Variants in TSPEAR observed in about 807,000 individuals in gnomAD.
The protein encoded by TSPEAR is thrombospondin-type laminin G domain and EAR repeat-containing protein.
A neutral mutation model predicts 71.6 loss-of-function variants in TSPEAR; 69 were observed. The ratio of observed to expected loss-of-function variants is 0.96; its 90% CI spans 0.79 to 1.18. The LOEUF (loss-of-function observed/expected upper bound fraction) is 1.18. TSPEAR is among the 50% of genes most tolerant of loss of function. TSPEAR has a pLI of 0.00. For missense variants in TSPEAR, 971 were observed against 894.9 expected, an observed-to-expected ratio of 1.09 and a Z score of -1.09; for synonymous variants, 402 against 387.2, an observed-to-expected ratio of 1.04 and a Z score of -0.45.
At chr21:44,582,421 C>T (rs1355554038) in intron 1 of TSPEAR, among the ~76,000 whole-genome samples, 1 of 152,176 alleles carries the variant, frequency 6.6e-6, no homozygotes, top group Non-Finnish European at 1.5e-5. Flanking sequence ...CCTGAGCCAG[C>T]GGGATGTGGT....
Position 44,623,083 on chromosome 21 carries a change from C to A in TSPEAR, c.83-55078G>T. On this transcript the variant is annotated intron_variant, in intron 1 of 11. Coordinates refer to ENST00000323084, the MANE Select transcript of TSPEAR (RefSeq NM_144991.3). The surrounding 1 kb of genome is among the most constrained non-coding windows in gnomAD (Gnocchi z 4.5). ...TCCCCAGAAGCTGAGCAGATGCCAG[C>A]GCCATGTTTCCTGTACAACCTGCAG... Among the ~76,000 whole-genome samples the A allele has an allele frequency of 6.6e-6, 1 of 152,190 alleles. No individual in the cohort carries two copies. The highest frequency in any genetic ancestry group is 1.9e-4 in the East Asian group (1 of 5,192).
chr21:44,523,086 TCAGC>T (rs1239260457), intron 8 of TSPEAR, among the ~76,000 whole-genome samples: 15 of 140,170 alleles, frequency 1.1e-4, no homozygotes, highest in Admixed American at 1.0e-3. Context: ...AGTCAGTCAG[TCAGC>T]CAGCCAGCCA....
At chr21:44,666,972 G>C (rs1472196196) in intron 1 of TSPEAR, 35 of 1,435,796 alleles carry the variant, frequency 2.4e-5, no homozygotes, top group Non-Finnish European at 3.2e-5. Flanking sequence ...CCTGGGCCCA[G>C]GCATCCCCAC....
intron 1 of TSPEAR, among the ~76,000 whole-genome samples, chr21:44,684,711 C>T (rs1294688121): frequency 5.9e-5 from 9 of 151,958 alleles, no homozygotes; most frequent in Admixed American, 5.2e-4. Context: ...GCAACGTGCA[C>T]GGATGTGCTT....
chr21:44,533,783 G>T lies in TSPEAR; in HGVS notation c.444C>A (p.Arg148=), dbSNP rs1053613040. 6.2e-7 allele frequency: 1 copy of T among 1,612,410 alleles called. No individual in the cohort carries two copies. Among genetic ancestry groups the T allele is most frequent in the Non-Finnish European group, 8.5e-7 (1 of 1,179,902 alleles). Residue 148 remains arginine, a synonymous_variant, in exon 3 of 12, where the codon CGC becomes CGA. Transcript: ENST00000323084. ...AGCGGCCATCCACCAGGGCCGGGCT[G>T]CGGAAGGACACTCGGGTCTGCCAGG... is the stretch of plus-strand genomic sequence containing the variant. ...AGAWQTRVSF[R]SPALVDGRWH... is the part of the protein sequence containing the mutation.
intron 1 of TSPEAR, among the ~76,000 whole-genome samples, chr21:44,584,410 T>C (rs1979206481): frequency 6.6e-6 from 1 of 152,234 alleles, no homozygotes; most frequent in Non-Finnish European, 1.5e-5. Flanking sequence ...AGTGCAGGTA[T>C]CTCTTTGAGA....
At chr21:44,587,693 C>G (rs1375569397) in intron 1 of TSPEAR, among the ~76,000 whole-genome samples, 1 of 152,160 alleles carries the variant, frequency 6.6e-6, no homozygotes, top group Non-Finnish European at 1.5e-5. Flanking sequence ...ACCAATGGAA[C>G]AGAATAGAGA....
intron 9 of TSPEAR, among the ~76,000 whole-genome samples, chr21:44,513,972 C>T (rs1019392894): frequency 1.3e-5 from 2 of 152,132 alleles, no homozygotes; most frequent in Non-Finnish European, 2.9e-5. Flanking sequence ...CAGCACACTC[C>T]CCAGCCAACT....
chr21:44,677,814 C>G, intron 1 of TSPEAR: 1 of 1,285,896 alleles, frequency 7.8e-7, no homozygotes, highest in Non-Finnish European at 1.1e-6. Flanking sequence ...AGGTGCAGAA[C>G]CAAGAACCAC....
At chr21:44,652,230 G>A (rs766452177) in intron 1 of TSPEAR, among the ~76,000 whole-genome samples, 3 of 152,270 alleles carry the variant, frequency 2.0e-5, no homozygotes, top group Admixed American at 6.5e-5. Context: ...TGATCCGCCC[G>A]CCTCGGCCTC....
At chr21:44,576,949 T>C (rs1170476743) in intron 1 of TSPEAR, among the ~76,000 whole-genome samples, 2 of 152,182 alleles carry the variant, frequency 1.3e-5, no homozygotes, top group Admixed American at 1.3e-4. Flanking sequence ...CTGAGCATGC[T>C]GCTTGGCCAC....
chr21:44,704,932 C>G (rs903768511), intron 1 of TSPEAR, among the ~76,000 whole-genome samples: 1 of 152,150 alleles, frequency 6.6e-6, no homozygotes, highest in African/African-American at 2.4e-5. Flanking sequence ...CCCAGACGCA[C>G]TGACCTGTTG....
Position 44,527,291 on chromosome 21 carries a change from C to T in TSPEAR, c.1149+1G>A. On this transcript the variant is annotated splice_donor_variant, in intron 7 of 11. Coordinates refer to ENST00000323084, the MANE Select transcript of TSPEAR (RefSeq NM_144991.3). LOFTEE classifies it high-confidence loss of function. ...GAGAAAGTCACCGAACACAGACTTG[C>T]CTTTTTCCCGATGGTGAAATGCCTC... is the stretch of plus-strand genomic sequence containing the variant. 6.2e-7 allele frequency: 1 copy of T among 1,614,148 alleles called. No homozygotes were observed. The highest frequency in any genetic ancestry group is 8.5e-7 in the Non-Finnish European group (1 of 1,180,018).
chr21:44,704,023 C>A (rs1435202483), intron 1 of TSPEAR, among the ~76,000 whole-genome samples: 1 of 152,228 alleles, frequency 6.6e-6, no homozygotes, highest in Non-Finnish European at 1.5e-5. Flanking sequence ...TCTAAGATCA[C>A]CTGGCCTCTG....
intron 2 of TSPEAR, among the ~76,000 whole-genome samples, chr21:44,536,210 G>T (rs2053089110): frequency 1.3e-5 from 2 of 152,186 alleles, no homozygotes. Flanking sequence ...GCGGTGCTGG[G>T]CTTCTCCCAT....
chr21:44,706,478 CGT>C (rs1987932002), intron 1 of TSPEAR, among the ~76,000 whole-genome samples: 1 of 73,430 alleles, frequency 1.4e-5, no homozygotes, highest in African/African-American at 5.4e-5. Flanking sequence ...CACACCCACG[CGT>C]ACACACCCAC....
intron 2 of TSPEAR, among the ~76,000 whole-genome samples, chr21:44,544,345 A>G (rs2053267673): frequency 2.6e-5 from 4 of 152,208 alleles, no homozygotes; most frequent in African/African-American, 9.6e-5. Flanking sequence ...GGGATGTGGA[A>G]TGACTACAAA....
chr21:44,583,509 T>C (rs78973051), intron 1 of TSPEAR, among the ~76,000 whole-genome samples: 1 of 152,186 alleles, frequency 6.6e-6, no homozygotes, highest in Non-Finnish European at 1.5e-5. Flanking sequence ...ATGCAGTGTT[T>C]TTTCACTCTA....
At chr21:44,533,974 G>T in intron 2 of TSPEAR, 51 bp from the exon 3 acceptor site, 1 of 1,359,146 alleles carries the variant, frequency 7.4e-7, no homozygotes, top group Non-Finnish European at 1.0e-6. Context: ...GGGGTCGGGT[G>T]CGGGGGCAGG....
Sources: gnomAD v4.1 joint callset for allele counts (sites outside exome capture counted in the v4.1 genomes callset) on GRCh38, gnomAD v4.1.1 for gene constraint, Gnocchi (gnomAD v3.1) non-coding constraint, MANE v1.5 for transcripts, NCBI Gene and HGNC (gene_info 2026-07-23, HGNC 2026-07-21) for gene names.